KDM2A: variants seen among roughly 807,000 people sequenced by gnomAD.
KDM2A encodes lysine demethylase 2A, also known as lysine-specific demethylase 2A.
In KDM2A, 3 loss-of-function variants were observed where a neutral mutation model predicts 137.3. That is an observed-to-expected ratio of 0.02 (90% CI 0.01 to 0.06). KDM2A has a LOEUF of 0.06. Among genes scored for constraint, KDM2A ranks in the 10% least tolerant of loss-of-function variants. The pLI is 1.00. For synonymous variants in KDM2A, 512 were observed against 541.5 expected, an observed-to-expected ratio of 0.95 and a Z score of 0.76; for missense variants, 738 against 1,510.6, an observed-to-expected ratio of 0.49 and a Z score of 8.48.
chr11:67,228,798 G>A (rs548581697), intron 11 of KDM2A, among the ~76,000 whole-genome samples: 5 of 151,910 alleles, frequency 3.3e-5, no homozygotes, highest in Admixed American at 2.0e-4. Flanking sequence ...TTGCAGTGGC[G>A]TGATCATAGC....
In KDM2A at chr11:67,180,065, CCTTT is replaced by C; in HGVS notation, c.43-8_43-5del. ...AAGTGCATGATTTCATCAGTATGTT[CCTTT>C]CTTTCCTAGCGTGGTACCATGCGAC... On this transcript the variant is annotated splice_polypyrimidine_tract_variant and intron_variant, in intron 2 of 20. Transcript: ENST00000529006. The C allele has an allele frequency of 6.2e-7, 1 of 1,607,626 alleles. No homozygotes were observed.
intron 2 of KDM2A, among the ~76,000 whole-genome samples, chr11:67,147,264 C>T (rs1227685128): frequency 6.6e-6 from 1 of 152,028 alleles, no homozygotes; most frequent in Admixed American, 6.6e-5. Context: ...TCCACTGGGC[C>T]GGGTGCGGTG....
chr11:67,186,867 A>G (rs747426860), intron 5 of KDM2A, among the ~76,000 whole-genome samples: 14 of 152,224 alleles, frequency 9.2e-5, no homozygotes, highest in Non-Finnish European at 1.6e-4. Context: ...CAGGAATTCA[A>G]GACCAGCCTG....
chr11:67,208,623 T>C (rs545702756), intron 6 of KDM2A, among the ~76,000 whole-genome samples: 3 of 151,888 alleles, frequency 2.0e-5, no homozygotes, highest in African/African-American at 7.2e-5. Flanking sequence ...ATACAAAAAT[T>C]AGCCAAGCAT....
In KDM2A at chr11:67,228,028, C is replaced by T. The variant is rs1276116431; in HGVS notation, c.958-9C>T. ...ATCGTCATCTTTTCTCTATTTTATT[C>T]CTCTGTAGGTTCCAAATAAGTTTCG... On this transcript the variant is annotated splice_polypyrimidine_tract_variant and intron_variant, in intron 10 of 20. Transcript: ENST00000529006. 1.9e-6 allele frequency: 3 copies of T among 1,609,686 alleles called. No homozygotes were observed. The highest frequency in any genetic ancestry group is 1.3e-5 in the African/African-American group (1 of 74,926).
intron 2 of KDM2A, among the ~76,000 whole-genome samples, chr11:67,142,570 G>GGGGTTT (rs1438710679): frequency 2.1e-5 from 3 of 141,386 alleles, no homozygotes; most frequent in African/African-American, 5.1e-5. Context: ...GGTTGGGGTT[G>GGGGTTT]GGGTTGGGGT....
At chr11:67,178,665 T>C (rs1332327187) in intron 2 of KDM2A, among the ~76,000 whole-genome samples, 2 of 152,210 alleles carry the variant, frequency 1.3e-5, no homozygotes, top group African/African-American at 4.8e-5. Context: ...GACTGGCTTT[T>C]TTTTTATTTG....
intron 2 of KDM2A, among the ~76,000 whole-genome samples, chr11:67,151,173 T>C (rs1333949556): frequency 2.0e-5 from 3 of 152,092 alleles, no homozygotes; most frequent in African/African-American, 2.4e-5. Flanking sequence ...CACATACATA[T>C]ATTGAATCAC....
In KDM2A at chr11:67,245,600, T is replaced by C; in HGVS notation, c.1833+142T>C. 2 of 914,544 alleles carry C rather than the reference T, an allele frequency of 2.2e-6. No homozygotes were observed. The highest frequency in any genetic ancestry group is 3.6e-5 in the South Asian group (2 of 55,412). 56.7% of individuals were successfully genotyped at this position (914,544 alleles called of 1,614,324 possible). On this transcript the variant is annotated intron_variant, in intron 14 of 20. Coordinates refer to ENST00000529006, the MANE Select transcript of KDM2A (RefSeq NM_012308.3). The surrounding 1 kb of genome is among the most constrained non-coding windows in gnomAD (Gnocchi z 4.1). ...TCTTTTTGGCTTTATTTTGTACCTT[T>C]TTTCCCCAGGTTTAGATAGAAGGTA...
chr11:67,154,772 A>G (rs527605785), intron 2 of KDM2A, among the ~76,000 whole-genome samples: 3 of 152,192 alleles, frequency 2.0e-5, no homozygotes, highest in Admixed American at 2.0e-4. Flanking sequence ...CATACAATAT[A>G]CTGTATGACC....
intron 2 of KDM2A, among the ~76,000 whole-genome samples, chr11:67,157,199 G>A (rs1280516659): frequency 1.3e-5 from 2 of 150,984 alleles, no homozygotes; most frequent in Admixed American, 1.3e-4. Flanking sequence ...TGTAGTCCCA[G>A]CTACTCAGGA....
intron 3 of KDM2A, 148 bp from the exon 4 acceptor site, chr11:67,181,172 T>A: frequency 6.7e-6 from 3 of 449,188 alleles, no homozygotes; most frequent in Non-Finnish European, 1.2e-5. Flanking sequence ...TGCTTCTTAC[T>A]AAGCATATAT....
chr11:67,179,507 C>T lies in KDM2A; in HGVS notation c.43-572C>T, dbSNP rs185224742. On this transcript the variant is annotated intron_variant, in intron 2 of 20. Coordinates refer to ENST00000529006, the MANE Select transcript of KDM2A (RefSeq NM_012308.3). Reference sequence around the variant, plus strand: ...AGGCTGGTCTCTAATCTCGAACTCCCGACCTCAGGTGATCCGCCTGCCTCT... The same window carrying T: ...AGGCTGGTCTCTAATCTCGAACTCCTGACCTCAGGTGATCCGCCTGCCTCT... Among the ~76,000 whole-genome samples, 83 of 152,214 alleles carry T rather than the reference C, an allele frequency of 5.5e-4. 1 individual carries two copies. In the East Asian group the frequency reaches 0.015, roughly 27 times the overall value.
chr11:67,235,161 GAAAA>G (rs1858830357), intron 12 of KDM2A, among the ~76,000 whole-genome samples: 1 of 145,964 alleles, frequency 6.9e-6, no homozygotes, highest in Non-Finnish European at 1.5e-5. Context: ...AAAAAAAAAA[GAAAA>G]AAGAAAGGAA....
intron 2 of KDM2A, among the ~76,000 whole-genome samples, chr11:67,148,399 C>T (rs918604135): frequency 2.0e-5 from 3 of 152,000 alleles, no homozygotes; most frequent in African/African-American, 7.2e-5. Flanking sequence ...CCAGCCTAGA[C>T]AACAGAGTGA....
At chr11:67,174,579 A>G (rs183195196) in intron 2 of KDM2A, among the ~76,000 whole-genome samples, 13 of 152,214 alleles carry the variant, frequency 8.5e-5, no homozygotes, top group African/African-American at 3.1e-4. Flanking sequence ...GAGTGATACA[A>G]CTAATACTCC....
intron 2 of KDM2A, among the ~76,000 whole-genome samples, chr11:67,123,512 C>G (rs188819338): frequency 6.6e-6 from 1 of 151,974 alleles, no homozygotes; most frequent in East Asian, 1.9e-4. Flanking sequence ...TTGAATTTAA[C>G]TTTTCTTTGG....
rs778094510 is a variant in KDM2A at position 67,228,210 on chromosome 11, A to G, written c.1084+47A>G. ...GCTTTGAAGACACCGCTTAGGTCTG[A>G]GGGTGAGGCCCGAAATACTCAGTAG... On this transcript the variant is annotated intron_variant, in intron 11 of 20. Transcript: ENST00000529006. 1.9e-6 allele frequency: 3 copies of G among 1,592,996 alleles called. No homozygotes were observed. The African/African-American group carries it at 4.0e-5, about 21-fold the overall frequency.
intron 2 of KDM2A, among the ~76,000 whole-genome samples, chr11:67,173,775 C>A (rs1404078504): frequency 6.6e-6 from 1 of 152,074 alleles, no homozygotes; most frequent in Non-Finnish European, 1.5e-5. Flanking sequence ...TGCAGTAGCC[C>A]CATCATAACT....
Sources: gnomAD v4.1 joint callset for allele counts (sites outside exome capture counted in the v4.1 genomes callset) on GRCh38, gnomAD v4.1.1 for gene constraint, Gnocchi (gnomAD v3.1) non-coding constraint, MANE v1.5 for transcripts, NCBI Gene and HGNC (gene_info 2026-07-23, HGNC 2026-07-21) for gene names.